RAB6A: variants seen among roughly 807,000 people sequenced by gnomAD.
RAB6A encodes the protein RAB6A, member RAS oncogene family.
Under a neutral mutation model 32.3 loss-of-function variants are expected in RAB6A, and 8 were observed. That is an observed-to-expected ratio of 0.25 (90% confidence interval 0.15 to 0.45). The LOEUF (loss-of-function observed/expected upper bound fraction) is 0.45, where lower values mean the gene tolerates loss of function less well. Ranked by LOEUF, RAB6A falls within the 20% of genes least tolerant of loss-of-function variation. The pLI, the probability that RAB6A is intolerant of heterozygous loss-of-function variation, is 1.00. For missense variants in RAB6A, 104 were observed against 249.4 expected (o/e 0.42, Z 3.93); for synonymous variants, 73 against 82.1 (o/e 0.89, Z 0.60).
rs1318187273 is a variant in RAB6A at position 73,731,684 on chromosome 11, T to TAATATATATATA, written c.71-862_71-861insTATATATATATT. Among the ~76,000 whole-genome samples, 24 of 14,492 alleles carry TAATATATATATA rather than the reference T, an allele frequency of 1.7e-3. 1 individual carries two copies. The highest frequency in any genetic ancestry group is 5.1e-3 in the South Asian group (1 of 198). 9.5% of individuals were successfully genotyped at this position (14,492 alleles called of 152,430 possible). On this transcript the variant is annotated intron_variant, in intron 1 of 7. Transcript: ENST00000336083. Reference sequence around the variant, plus strand: ...GTATTGTGAGATAGATAGATAGATATTATATATATATATATATATATATAT... The same window carrying TAATATATATATA: ...GTATTGTGAGATAGATAGATAGATATAATATATATATATATATATATATATATATATATATAT...
At chr11:73,702,102 G>A (rs559521111) in intron 6 of RAB6A, among the ~76,000 whole-genome samples, 1 of 152,302 alleles carries the variant, frequency 6.6e-6, no homozygotes, top group South Asian at 2.1e-4. Flanking sequence ...GTTGTTATAG[G>A]TTTCAATATC....
intron 1 of RAB6A, among the ~76,000 whole-genome samples, chr11:73,757,113 ATATATATATATATATATTTTTT>A (rs1946764787): frequency 2.6e-5 from 1 of 37,946 alleles, no homozygotes; most frequent in African/African-American, 1.3e-4. Flanking sequence ...ATATATATAT[ATATATATATATATATATTTTTT>A]TTTTTTTTTT....
intron 5 of RAB6A, among the ~76,000 whole-genome samples, chr11:73,709,441 T>TATTATC (rs1310224023): frequency 7.2e-6 from 1 of 138,632 alleles, no homozygotes; most frequent in African/African-American, 2.6e-5. Context: ...TTAAGTATAT[T>TATTATC]ATTATTATTA....
chr11:73,760,153 G>T, intron 1 of RAB6A: 1 of 1,264,242 alleles, frequency 7.9e-7, no homozygotes, highest in South Asian at 1.2e-5. Context: ...CGGGAGTGGG[G>T]CTTCCCTGAG....
chr11:73,748,730 T>A (rs1283129721), intron 1 of RAB6A, among the ~76,000 whole-genome samples: 3 of 152,182 alleles, frequency 2.0e-5, no homozygotes, highest in Non-Finnish European at 4.4e-5. Flanking sequence ...CAGTATTTAG[T>A]TAAATCACAA....
chr11:73,745,570 C>T (rs1157536336), intron 1 of RAB6A, among the ~76,000 whole-genome samples: 2 of 152,096 alleles, frequency 1.3e-5, no homozygotes, highest in African/African-American at 2.4e-5. Context: ...CATGGTGAAA[C>T]CTTGTCTCTA....
intron 6 of RAB6A, among the ~76,000 whole-genome samples, chr11:73,690,120 A>G (rs886572650): frequency 2.0e-5 from 3 of 152,202 alleles, no homozygotes; most frequent in Non-Finnish European, 2.9e-5. Context: ...ACAAGCCCAG[A>G]AAGAAACTCT....
chr11:73,722,307 A>ATGTGTGTGTGTGTGTGTG (rs1231102849), intron 2 of RAB6A: 3 of 62,478 alleles, frequency 4.8e-5, no homozygotes, highest in Non-Finnish European at 9.9e-5. Context: ...GTGTGTGTGT[A>ATGTGTGTGTGTGTGTGTG]TATATATATA....
In RAB6A at chr11:73,716,366, G is replaced by C. The variant is rs764391857; in HGVS notation, c.290-4C>G. The C allele has an allele frequency of 6.3e-7, 1 of 1,595,006 alleles. No individual in the cohort carries two copies. The highest frequency in any genetic ancestry group is 1.3e-5 in the African/African-American group (1 of 74,432). ...GTTTGCTGGAATGAGTTAACATCTAGTATAGGAGGGTAGACAGAGAGATTA... is the reference window on the plus strand; with the variant it reads ...GTTTGCTGGAATGAGTTAACATCTACTATAGGAGGGTAGACAGAGAGATTA... On this transcript the variant is annotated splice_polypyrimidine_tract_variant and splice_region_variant and intron_variant, in intron 4 of 7. Transcript: ENST00000336083.
At chr11:73,726,712 T>C (rs1318711205) in intron 2 of RAB6A, among the ~76,000 whole-genome samples, 1 of 147,656 alleles carries the variant, frequency 6.8e-6, no homozygotes, top group Non-Finnish European at 1.5e-5. Context: ...ATCACACCAC[T>C]GCACTCCAGC....
chr11:73,725,447 C>T (rs1037145767), intron 2 of RAB6A, among the ~76,000 whole-genome samples: 1 of 152,072 alleles, frequency 6.6e-6, no homozygotes, highest in African/African-American at 2.4e-5. Flanking sequence ...AAGACATGCC[C>T]GAGACTGGGT....
intron 1 of RAB6A, among the ~76,000 whole-genome samples, chr11:73,736,515 C>T (rs1256151054): frequency 2.0e-5 from 3 of 150,778 alleles, no homozygotes; most frequent in East Asian, 2.0e-4. Flanking sequence ...GTTGGCCAGG[C>T]GCGGTGTGGC....
intron 1 of RAB6A, among the ~76,000 whole-genome samples, chr11:73,750,511 G>A (rs939434021): frequency 4.0e-5 from 6 of 151,868 alleles, no homozygotes; most frequent in African/African-American, 9.7e-5. Context: ...ATGTGCCACC[G>A]CGCCCAGCAA....
rs1565362694 is a variant in RAB6A, at chr11:73,718,608, C to T, written c.289+5G>A. On this transcript the variant is annotated splice_donor_5th_base_variant and intron_variant, in intron 4 of 7. Coordinates refer to ENST00000336083, the MANE Select transcript of RAB6A (RefSeq NM_198896.2). ...GATTAGAAATGCATAATTCCCTCCA[C>T]TCACTTGTGATATCATAAACAACAA... The T allele has an allele frequency of 6.2e-7, 1 of 1,605,904 alleles. No homozygotes were observed. Among genetic ancestry groups the T allele is most frequent in the Non-Finnish European group, 8.5e-7 (1 of 1,174,928 alleles).
chr11:73,736,006 CAG>C (rs779254850), intron 1 of RAB6A, among the ~76,000 whole-genome samples: 2 of 138,492 alleles, frequency 1.4e-5, no homozygotes, highest in Admixed American at 7.4e-5. Flanking sequence ...TTTTTGGAAA[CAG>C]AGTGCAGTGG....
intron 1 of RAB6A, among the ~76,000 whole-genome samples, chr11:73,731,118 C>A (rs1435834208): frequency 6.6e-6 from 1 of 152,000 alleles, no homozygotes; most frequent in African/African-American, 2.4e-5. Flanking sequence ...ACTTACTTGG[C>A]CCTAACAAAA....
chr11:73,741,147 C>T (rs1448792755), intron 1 of RAB6A, among the ~76,000 whole-genome samples: 1 of 151,860 alleles, frequency 6.6e-6, no homozygotes, highest in Non-Finnish European at 1.5e-5. Context: ...CTCCTTCCCC[C>T]CACCCCCCCA....
At chr11:73,685,592 G>GTCTTTTTTTTTTTTTTTTTTTTTT (rs1555054185) in intron 6 of RAB6A, among the ~76,000 whole-genome samples, 1 of 145,050 alleles carries the variant, frequency 6.9e-6, no homozygotes, top group African/African-American at 2.5e-5. Context: ...CGGACTGAAA[G>GTCTTTTTTTTTTTTTTTTTTTTTT]TAGCGACCAG....
At chr11:73,683,046 T>C (rs1205217346) in intron 6 of RAB6A, among the ~76,000 whole-genome samples, 1 of 152,002 alleles carries the variant, frequency 6.6e-6, no homozygotes, top group Non-Finnish European at 1.5e-5. Context: ...AGAAATTGAG[T>C]CAAAAGTGTT....
Sources: allele counts gnomAD v4.1 joint callset (sites outside exome capture counted in the v4.1 genomes callset), GRCh38; gene constraint gnomAD v4.1.1; transcripts MANE v1.5; gene names NCBI Gene and HGNC (gene_info 2026-07-23, HGNC 2026-07-21).